Variants in UFD1 observed in about 807,000 individuals in gnomAD.
The protein encoded by UFD1 is ubiquitin recognition factor in ER associated degradation 1, also known as ubiquitin recognition factor in ER-associated degradation protein 1.
In UFD1, 13 loss-of-function variants were observed where a neutral mutation model predicts 45.9. The observed-to-expected ratio is 0.28, with a 90% CI of 0.18 to 0.45. The LOEUF (loss-of-function observed/expected upper bound fraction) is 0.45, where lower values mean the gene tolerates loss of function less well. Among genes scored for constraint, UFD1 ranks in the 20% least tolerant of loss-of-function variants. The pLI, the probability that UFD1 is intolerant of heterozygous loss-of-function variation, is 1.00. For synonymous variants in UFD1, 128 were observed against 139.2 expected (o/e 0.92, Z 0.56); for missense variants, 218 against 389.2 (o/e 0.56, Z 3.70).
intron 1 of UFD1, among the ~76,000 whole-genome samples, chr22:19,476,813 C>G (rs2089885174): frequency 6.6e-6 from 1 of 151,804 alleles, no homozygotes; most frequent in Non-Finnish European, 1.5e-5. Flanking sequence ...TTGAGACCAG[C>G]CTGGCCAACA....
At chr22:19,477,656 G>A (rs1382909858) in intron 1 of UFD1, among the ~76,000 whole-genome samples, 1 of 151,194 alleles carries the variant, frequency 6.6e-6, no homozygotes, top group African/African-American at 2.4e-5. Flanking sequence ...ACTGAAAAAC[G>A]GTTAAGATGA....
chr22:19,454,408 C>A, intron 11 of UFD1: 2 of 808,962 alleles, frequency 2.5e-6, no homozygotes, highest in Non-Finnish European at 1.5e-6. Context: ...GTCATGAGGG[C>A]GGGTCTTTTC....
chr22:19,461,393 C>T (rs2089765337), intron 6 of UFD1, among the ~76,000 whole-genome samples: 1 of 152,154 alleles, frequency 6.6e-6, no homozygotes, highest in Non-Finnish European at 1.5e-5. Context: ...AGTGGTGGAC[C>T]AAGATTCTTT....
chr22:19,464,905 G>A (rs948933477), intron 6 of UFD1, among the ~76,000 whole-genome samples: 3 of 152,214 alleles, frequency 2.0e-5, no homozygotes, highest in African/African-American at 4.8e-5. Context: ...GATTAGAGGT[G>A]CAGTGGGGAC....
intron 10 of UFD1, among the ~76,000 whole-genome samples, chr22:19,455,425 T>C (rs2089714967): frequency 6.6e-6 from 1 of 151,818 alleles, no homozygotes; most frequent in African/African-American, 2.4e-5. Context: ...GGAAAGCCAG[T>C]GGGGGCAAGA....
intron 6 of UFD1, among the ~76,000 whole-genome samples, chr22:19,462,127 G>A (rs1176283031): frequency 6.6e-6 from 1 of 151,990 alleles, no homozygotes; most frequent in Non-Finnish European, 1.5e-5. Context: ...AGCCTCCCAG[G>A]TAGCTGGGAC....
Position 19,475,114 on chromosome 22 carries a change from AT to A in UFD1, c.137-15del. The A allele has an allele frequency of 6.2e-7, 1 of 1,604,136 alleles. No homozygotes were observed. On this transcript the variant is annotated splice_polypyrimidine_tract_variant and intron_variant, in intron 2 of 11. Coordinates refer to ENST00000263202, the MANE Select transcript of UFD1 (RefSeq NM_005659.7). ...GTGGCATAATTACTGTGGAAAGAAC[AT>A]TTAAGAAATATTAAAAAATAAAAAT...
chr22:19,455,675 C>T lies in UFD1; in HGVS notation c.767+5G>A. 2.5e-6 allele frequency: 4 copies of T among 1,613,642 alleles called. No homozygotes were observed. The highest frequency in any genetic ancestry group is 3.4e-6 in the Non-Finnish European group (4 of 1,179,736). On this transcript the variant is annotated splice_donor_5th_base_variant and intron_variant, in intron 10 of 11. Coordinates refer to ENST00000263202, the MANE Select transcript of UFD1 (RefSeq NM_005659.7). Reference sequence around the variant, plus strand: ...TGTCCTGGAGGAGAGCCAGGACAGACCTACCTTTTAATATCTCCAGGCTTG... The same window carrying T: ...TGTCCTGGAGGAGAGCCAGGACAGATCTACCTTTTAATATCTCCAGGCTTG...
chr22:19,470,473 GCT>G (rs1185640760), intron 4 of UFD1, among the ~76,000 whole-genome samples: 1 of 150,678 alleles, frequency 6.6e-6, no homozygotes, highest in Non-Finnish European at 1.5e-5. Flanking sequence ...ATGGAGTCTC[GCT>G]CTGTCGCCCA....
In UFD1 at chr22:19,475,502, T is replaced by C. The variant is rs2089874748; in HGVS notation, c.104A>G (p.Asn35Ser). The C allele has an allele frequency of 1.2e-6, 2 of 1,614,038 alleles. No individual in the cohort carries two copies. The highest frequency in any genetic ancestry group is 1.7e-6 in the Non-Finnish European group (2 of 1,179,964). Residue 35 changes from asparagine to serine, a missense_variant, in exon 2 of 12, where the codon AAT (asparagine) becomes AGT (serine). Asn to Ser is a conservative substitution (Grantham distance 46). Transcript: ENST00000263202. The part of the protein sequence containing the change: ...CFSVSMLAGP[N>S]DRSDVEKGGK... Reference sequence around the variant, plus strand: ...TCCTTTCTCCACATCTGACCTGTCATTAGGCCCTGCTAGCATGGACACAGA... The same window carrying C: ...TCCTTTCTCCACATCTGACCTGTCACTAGGCCCTGCTAGCATGGACACAGA...
At chr22:19,451,644 C>G (rs1356922670) in intron 11 of UFD1, 2 of 985,328 alleles carry the variant, frequency 2.0e-6, no homozygotes, top group East Asian at 2.3e-4. Flanking sequence ...CCTGGCTCCC[C>G]ACTAACTGTA....
At chr22:19,458,603 C>T (rs768889194) in intron 6 of UFD1, among the ~76,000 whole-genome samples, 1 of 152,184 alleles carries the variant, frequency 6.6e-6, no homozygotes, top group African/African-American at 2.4e-5. Flanking sequence ...GCCACTACAC[C>T]TGGCTAATTT....
chr22:19,463,313 A>T (rs991792968), intron 6 of UFD1, among the ~76,000 whole-genome samples: 16 of 150,704 alleles, frequency 1.1e-4, no homozygotes, highest in African/African-American at 3.4e-4. Context: ...TCTTTCATTA[A>T]CTCTTTTATA....
At chr22:19,460,908 T>G (rs138449692) in intron 6 of UFD1, among the ~76,000 whole-genome samples, 296 of 152,236 alleles carry the variant, frequency 1.9e-3, no homozygotes, top group Admixed American at 4.6e-3. Flanking sequence ...TACGCCCAGC[T>G]AATTTTAAAA....
intron 11 of UFD1, chr22:19,451,615 T>C: frequency 1.0e-6 from 1 of 985,470 alleles, no homozygotes; most frequent in Non-Finnish European, 1.2e-6. Flanking sequence ...TTCTGGAATG[T>C]TCAACACACA....
intron 4 of UFD1, among the ~76,000 whole-genome samples, chr22:19,468,349 G>C (rs1035710536): frequency 3.3e-5 from 5 of 152,132 alleles, no homozygotes; most frequent in African/African-American, 1.2e-4. Context: ...CAAATTATAA[G>C]GCCCTGCGTC....
At chr22:19,465,308 G>C (rs1355015172) in intron 5 of UFD1, 34 bp from the exon 6 acceptor site, 1 of 1,578,046 alleles carries the variant, frequency 6.3e-7, no homozygotes, top group Admixed American at 1.7e-5. Context: ...AACATGGCAA[G>C]ATGGATACCT....
rs2146282666 is a variant in UFD1 at position 19,450,565 on chromosome 22, C to CA, written c.*104dup. 4 of 1,380,304 alleles carry CA rather than the reference C, an allele frequency of 2.9e-6. No homozygotes were observed. The East Asian group carries it at 9.2e-5, about 32-fold the overall frequency. 85.5% of individuals were successfully genotyped at this position (1,380,304 alleles called of 1,614,324 possible). On this transcript the variant is annotated 3_prime_UTR_variant, in exon 12 of 12. Coordinates refer to ENST00000263202, the MANE Select transcript of UFD1 (RefSeq NM_005659.7). ...GTAACTCTAAATAAATCTTAAGTAACAGAGTATTCTCTGATGAGGCTCGTC... is the reference window on the plus strand; with the variant it reads ...GTAACTCTAAATAAATCTTAAGTAACAAGAGTATTCTCTGATGAGGCTCGTC...
chr22:19,454,843 A>G lies in UFD1; in HGVS notation c.768-13T>C, dbSNP rs1601886597. 6.2e-7 allele frequency: 1 copy of G among 1,607,938 alleles called. No homozygotes were observed. Among genetic ancestry groups the G allele is most frequent in the East Asian group, 2.2e-5 (1 of 44,802 alleles). Reference sequence around the variant, plus strand: ...ATTGGGAATTCCTCTGTAAGAAGAGACAGAGACAGAGAAATGTTATTTCCA... The same window carrying G: ...ATTGGGAATTCCTCTGTAAGAAGAGGCAGAGACAGAGAAATGTTATTTCCA... On this transcript the variant is annotated splice_polypyrimidine_tract_variant and intron_variant, in intron 10 of 11. Coordinates refer to ENST00000263202, the MANE Select transcript of UFD1 (RefSeq NM_005659.7).
Sources: gnomAD v4.1 joint callset for allele counts (sites outside exome capture counted in the v4.1 genomes callset) on GRCh38, gnomAD v4.1.1 for gene constraint, MANE v1.5 for transcripts, NCBI Gene and HGNC (gene_info 2026-07-23, HGNC 2026-07-21) for gene names.